The following XKR5 variants were observed in gnomAD, a reference collection of about 807,000 sequenced individuals.
The protein encoded by XKR5 is XK-related protein 5.
Under a neutral mutation model 40.8 loss-of-function variants are expected in XKR5, and 46 were observed. The ratio of observed to expected loss-of-function variants is 1.13; its 90% CI spans 0.89 to 1.44. The LOEUF is 1.44. Among genes scored for constraint, XKR5 ranks in the 40% most tolerant of loss-of-function variants. XKR5 has a pLI of 0.00. For synonymous variants in XKR5, 466 were observed against 356.1 expected, an observed-to-expected ratio of 1.31 and a Z score of -3.48; for missense variants, 1,169 against 844.7, an observed-to-expected ratio of 1.38 and a Z score of -4.76.
intron 3 of XKR5, among the ~76,000 whole-genome samples, 171 bp downstream of exon 3, chr8:6,824,994 C>G (rs1198700980): frequency 6.6e-6 from 1 of 152,170 alleles, no homozygotes; most frequent in Non-Finnish European, 1.5e-5. Context: ...TCTGTAAACT[C>G]AATGCACCAG....
intron 5 of XKR5, among the ~76,000 whole-genome samples, chr8:6,819,730 T>A (rs911436183): frequency 2.6e-5 from 4 of 152,188 alleles, no homozygotes; most frequent in African/African-American, 9.7e-5. Context: ...TCTTGAAATG[T>A]CAGGAGTTTA....
In XKR5 at chr8:6,809,378, C is replaced by G. The variant is rs1456206541; in HGVS notation, c.*1820G>C. On this transcript the variant is annotated 3_prime_UTR_variant, in exon 7 of 7. Transcript: ENST00000618742. ...GATCTCAGCTCACTGCAACCTCTGC[C>G]TCCCAGTTCAACTGATTCTCGTGCC... The G allele has an allele frequency of 6.6e-6, 1 of 152,236 alleles. No homozygotes were observed. Among genetic ancestry groups the G allele is most frequent in the East Asian group, 1.9e-4 (1 of 5,192 alleles). The allele number at this position is 152,236 out of a possible 1,614,324, so 9.4% of individuals were successfully genotyped here.
intron 5 of XKR5, among the ~76,000 whole-genome samples, chr8:6,820,280 T>C (rs931519711): frequency 1.3e-5 from 2 of 152,184 alleles, no homozygotes. Flanking sequence ...CTGTGGTAGA[T>C]CTCACTCCAA....
At chr8:6,825,548 T>TC (rs1804426210) in intron 2 of XKR5, among the ~76,000 whole-genome samples, 199 bp from the exon 3 acceptor site, 1 of 151,562 alleles carries the variant, frequency 6.6e-6, no homozygotes, top group South Asian at 2.1e-4. Flanking sequence ...CCGAGTCCTG[T>TC]GGTGCTCAGC....
At chr8:6,829,113 T>C (rs1408332742) in intron 2 of XKR5, 3 of 158,480 alleles carry the variant, frequency 1.9e-5, no homozygotes, top group Admixed American at 6.5e-5. Context: ...GGCTATATTT[T>C]ATATACTTTT....
At chr8:6,831,738 A>G (rs868649039) in intron 2 of XKR5, among the ~76,000 whole-genome samples, 6 of 152,084 alleles carry the variant, frequency 3.9e-5, no homozygotes, top group East Asian at 1.9e-4. Context: ...TCCTGTGGCC[A>G]GGTGCAGTGG....
At chr8:6,831,602 A>T (rs2117120344) in intron 2 of XKR5, among the ~76,000 whole-genome samples, 1 of 152,264 alleles carries the variant, frequency 6.6e-6, no homozygotes, top group East Asian at 1.9e-4. Context: ...AACCCCTAGG[A>T]CACACAGCAG....
At chr8:6,831,987 C>G (rs539526141) in intron 2 of XKR5, among the ~76,000 whole-genome samples, 1 of 141,606 alleles carries the variant, frequency 7.1e-6, no homozygotes, top group East Asian at 2.0e-4. Context: ...TGCACTCCAG[C>G]CTGGGTGACA....
At position 6,811,689 on chromosome 8, in the gene XKR5, C is replaced by T. The variant is rs148339184; in HGVS notation, c.1570G>A (p.Gly524Arg). ...EGADAVSGTQGKGTGGQQRGG... is the reference protein window; with the variant it reads ...EGADAVSGTQRKGTGGQQRGG... ...CTCTGCTGCCCACCTGTCCCCTTCC[C>T]CTGTGTCCCAGAAACAGCGTCAGCT... Residue 524 changes from glycine (G) to arginine (R), a missense_variant, in exon 7 of 7, where the codon GGG becomes AGG. Coordinates refer to ENST00000618742, the MANE Select transcript of XKR5 (RefSeq NM_207411.5). 4.8e-3 allele frequency: 7,342 copies of T among 1,537,722 alleles called. 23 individuals carry two copies. The highest frequency in any genetic ancestry group is 5.8e-3 in the Non-Finnish European group (6,663 of 1,147,048).
At chr8:6,834,902 C>T (rs1329522040) in intron 1 of XKR5, among the ~76,000 whole-genome samples, 2 of 152,208 alleles carry the variant, frequency 1.3e-5, no homozygotes, top group Non-Finnish European at 2.9e-5. Flanking sequence ...AGCGGAGTCG[C>T]CGTCCTACAG....
At chr8:6,834,002 A>G (rs1173543734) in intron 1 of XKR5, among the ~76,000 whole-genome samples, 1 of 151,360 alleles carries the variant, frequency 6.6e-6, no homozygotes, top group Non-Finnish European at 1.5e-5. Context: ...GCAGTCAGTA[A>G]CTCCGCACTA....
At chr8:6,830,037 C>G (rs1268135396) in intron 2 of XKR5, among the ~76,000 whole-genome samples, 2 of 151,790 alleles carry the variant, frequency 1.3e-5, no homozygotes, top group Non-Finnish European at 2.9e-5. Context: ...CGGGGTTTCA[C>G]CGTGTTAGCC....
At chr8:6,833,266 C>G (rs1804855465) in intron 1 of XKR5, among the ~76,000 whole-genome samples, 1 of 152,242 alleles carries the variant, frequency 6.6e-6, no homozygotes, top group Admixed American at 6.5e-5. Flanking sequence ...TAATCTGAAG[C>G]TGGTGCTCTG....
rs544142074 is a variant in XKR5 at position 6,832,835 on chromosome 8, C to G, written c.124G>C (p.Val42Leu). 1.2e-6 allele frequency: 2 copies of G among 1,611,590 alleles called. No homozygotes were observed. The highest frequency in any genetic ancestry group is 1.7e-5 in the Admixed American group (1 of 59,556). ...RLLWGWLALA[V>L]LLPGFLVQAL... is the part of the protein sequence containing the mutation. ...TGGACCAAGAACCCGGGCAGGAGGA[C>G]AGCAAGGGCCAGCCACCCCCACAGA... Residue 42 changes from valine to leucine, a missense_variant, in exon 2 of 7, where the codon GTC becomes CTC. Coordinates refer to ENST00000618742, the MANE Select transcript of XKR5 (RefSeq NM_207411.5).
intron 6 of XKR5, 96 bp downstream of exon 6, chr8:6,815,711 A>C: frequency 1.2e-6 from 1 of 819,500 alleles, no homozygotes; most frequent in Non-Finnish European, 1.9e-6. Flanking sequence ...CCAGTTAACC[A>C]CATCTGAACT....
Position 6,815,856 on chromosome 8 carries a change from C to A in XKR5, c.870G>T (p.Ser290=), listed in dbSNP as rs1338048000. ...CAGCTATGGTCTGCAGGCTGGTCCA[C>A]GATGCCCCCTGGAGAAAGTCGGTGG... ...LLATDFLQGA[S]WTSLQTIAGV... Residue 290 remains serine, a synonymous_variant, in exon 6 of 7, where the codon TCG becomes TCT. Coordinates refer to ENST00000618742, the MANE Select transcript of XKR5 (RefSeq NM_207411.5). 2.5e-6 allele frequency: 4 copies of A among 1,605,466 alleles called. No individual in the cohort carries two copies. The Admixed American group carries it at 5.1e-5, about 20-fold the overall frequency.
rs369129258 is a variant in XKR5, at chr8:6,823,551, C to G, written c.607G>C (p.Ala203Pro). Residue 203 changes from alanine (A) to proline (P), a missense_variant, in exon 4 of 7, where the codon GCC (alanine) becomes CCC (proline). Ala to Pro is a conservative substitution (Grantham distance 27). Transcript: ENST00000618742. Reference sequence around the variant, plus strand: ...ACCACAAAAACCCAAAAGTGGTAGGCTTTGTAGAACAGAACCAGACTCAGC... The same window carrying G: ...ACCACAAAAACCCAAAAGTGGTAGGGTTTGTAGAACAGAACCAGACTCAGC... ...RVLSLVLFYK[A>P]YHFWVFVVAG... The G allele has an allele frequency of 1.3e-6, 2 of 1,594,378 alleles. No individual in the cohort carries two copies. Among genetic ancestry groups the G allele is most frequent in the South Asian group, 2.3e-5 (2 of 87,432 alleles).
At chr8:6,831,245 T>G (rs2741090) in intron 2 of XKR5, among the ~76,000 whole-genome samples, 1 of 152,028 alleles carries the variant, frequency 6.6e-6, no homozygotes, top group African/African-American at 2.4e-5. Flanking sequence ...TCTGACCCTA[T>G]GAGGCCCTCC....
In XKR5 at chr8:6,821,008, C is replaced by A. The variant is rs192227566; in HGVS notation, c.807+861G>T. On this transcript the variant is annotated intron_variant, in intron 5 of 6. Coordinates refer to ENST00000618742, the MANE Select transcript of XKR5 (RefSeq NM_207411.5). The stretch of plus-strand genomic sequence containing the variant: ...TATTTTATTTGGTCTTTACAGGAAC[C>A]CTGAAGAGTATGTAGATCTTATTTA... Among the ~76,000 whole-genome samples the A allele has an allele frequency of 3.9e-3, 592 of 152,214 alleles. 6 individuals carry two copies. Among genetic ancestry groups the A allele is most frequent in the African/African-American group, 0.014 (573 of 41,510 alleles).
Sources: allele counts gnomAD v4.1 joint callset (sites outside exome capture counted in the v4.1 genomes callset), GRCh38; gene constraint gnomAD v4.1.1; transcripts MANE v1.5; gene names NCBI Gene and HGNC (gene_info 2026-07-23, HGNC 2026-07-21).